Variants in FILIP1L observed in about 807,000 individuals in gnomAD.
FILIP1L encodes filamin A interacting protein 1 like.
In FILIP1L, 55 loss-of-function variants were observed where a neutral mutation model predicts 96.6. That is an observed-to-expected ratio of 0.57 (90% CI 0.46 to 0.71). The LOEUF is 0.71. Among genes scored for constraint, FILIP1L ranks in the 30% least tolerant of loss-of-function variants. The probability of loss-of-function intolerance (pLI) is 0.00; values close to 1 mark genes in which losing one functional copy is unlikely to be tolerated. For synonymous variants in FILIP1L, 467 were observed against 473.9 expected (o/e 0.99, Z 0.19); for missense variants, 1,304 against 1,321.2 (o/e 0.99, Z 0.20).
chr3:99,983,437 T>C (rs1387973573), intron 1 of FILIP1L, among the ~76,000 whole-genome samples: 1 of 50,880 alleles, frequency 2.0e-5, no homozygotes, highest in East Asian at 5.8e-4. Context: ...TGTATGTATA[T>C]ATATGTATGT....
Position 100,021,960 on chromosome 3 carries a change from TGAGAGA to T in FILIP1L, c.-10-90936_-10-90931del, listed in dbSNP as rs61630053. Among the ~76,000 whole-genome samples the T allele has an allele frequency of 4.7e-3, 440 of 93,230 alleles. 2 individuals carry two copies. Among genetic ancestry groups the T allele is most frequent in the African/African-American group, 0.017 (411 of 24,778 alleles). 61.2% of individuals were successfully genotyped at this position (93,230 alleles called of 152,430 possible). ...GTGTGTGTGTGTGTGTGTGTGTGTG[TGAGAGA>T]GAGAGAGAGAGAGAGAGAGAGAGAG... On this transcript the variant is annotated intron_variant, in intron 1 of 5. Coordinates refer to ENST00000477258, the MANE Select transcript of FILIP1L (RefSeq NM_001387850.1).
chr3:100,006,501 A>ATTTG (rs1709990426), intron 1 of FILIP1L, among the ~76,000 whole-genome samples: 1 of 152,078 alleles, frequency 6.6e-6, no homozygotes, highest in Admixed American at 6.6e-5. Context: ...TCTGCCCCAA[A>ATTTG]GTCTCCTTTT....
intron 1 of FILIP1L, among the ~76,000 whole-genome samples, chr3:99,985,737 T>C (rs1388269904): frequency 1.3e-5 from 2 of 152,076 alleles, no homozygotes; most frequent in Non-Finnish European, 2.9e-5. Context: ...TACAGGCACC[T>C]GCTACCATGC....
intron 1 of FILIP1L, among the ~76,000 whole-genome samples, chr3:100,042,206 A>AT (rs2065216744): frequency 6.6e-6 from 1 of 152,186 alleles, no homozygotes; most frequent in African/African-American, 2.4e-5. Flanking sequence ...AGCCACTGAA[A>AT]TTTTTTAAAG....
chr3:100,051,185 C>T (rs2065365642), intron 1 of FILIP1L: 1 of 152,090 alleles, frequency 6.6e-6, no homozygotes, highest in Non-Finnish European at 1.5e-5. Flanking sequence ...CAATTCTTCT[C>T]TGTGAGTCCA....
At chr3:100,036,049 C>A (rs1415018511) in intron 1 of FILIP1L, among the ~76,000 whole-genome samples, 1 of 152,134 alleles carries the variant, frequency 6.6e-6, no homozygotes, top group East Asian at 1.9e-4. Context: ...ACATAGAACC[C>A]AAAACTAAAA....
At chr3:99,868,391 C>G (rs1485091755) in intron 4 of FILIP1L, among the ~76,000 whole-genome samples, 3 of 152,174 alleles carry the variant, frequency 2.0e-5, no homozygotes, top group Non-Finnish European at 4.4e-5. Flanking sequence ...CTGCATCCTA[C>G]AAAGGACCTC....
At position 100,101,890 on chromosome 3, in the gene FILIP1L, G is replaced by A. The variant is rs868727032; in HGVS notation, c.-11+12163C>T. Reference sequence around the variant, plus strand: ...GCAGTGTTTGGTTTTTTGTCCTTGCGATAGTTTGCTGAGAATGATGGTTTC... The same window carrying A: ...GCAGTGTTTGGTTTTTTGTCCTTGCAATAGTTTGCTGAGAATGATGGTTTC... On this transcript the variant is annotated intron_variant, in intron 1 of 5. Coordinates refer to ENST00000477258, the MANE Select transcript of FILIP1L (RefSeq NM_001387850.1). 9.7e-4 allele frequency among the ~76,000 whole-genome samples: 147 copies of A among 152,126 alleles called. 1 individual carries two copies. In the Middle Eastern group the frequency reaches 0.017, roughly 18 times the overall value.
At chr3:100,081,869 C>A (rs773993325) in intron 1 of FILIP1L, among the ~76,000 whole-genome samples, 17 of 152,180 alleles carry the variant, frequency 1.1e-4, no homozygotes, top group Non-Finnish European at 1.9e-4. Flanking sequence ...TTGGCCTCTA[C>A]CATGCCAGTA....
chr3:99,872,868 C>A (rs760946301), intron 4 of FILIP1L, among the ~76,000 whole-genome samples: 2 of 151,680 alleles, frequency 1.3e-5, no homozygotes, highest in Non-Finnish European at 1.5e-5. Flanking sequence ...CCAGCTTTCC[C>A]AGGCAGAGAC....
Position 100,073,675 on chromosome 3 carries a change from GC to G in FILIP1L, c.-11+40377del, listed in dbSNP as rs1160456723. On this transcript the variant is annotated intron_variant, in intron 1 of 5. Transcript: ENST00000477258. ...CATGCCAGTAATAAACCTTGAGGAA[GC>G]CTAGGAAATAACCCACTGGTCTGTC... Among the ~76,000 whole-genome samples, 9 of 152,304 alleles carry G rather than the reference GC, an allele frequency of 5.9e-5. No individual in the cohort carries two copies. The East Asian group carries it at 1.7e-3, about 29-fold the overall frequency.
chr3:100,056,780 G>A lies in FILIP1L; in HGVS notation c.-11+57273C>T, dbSNP rs141807863. Among the ~76,000 whole-genome samples, 687 of 151,676 alleles carry A rather than the reference G, an allele frequency of 4.5e-3. 7 individuals are homozygous for A. Among genetic ancestry groups the A allele is most frequent in the African/African-American group, 0.016 (669 of 41,384 alleles). On this transcript the variant is annotated intron_variant, in intron 1 of 5. Coordinates refer to ENST00000477258, the MANE Select transcript of FILIP1L (RefSeq NM_001387850.1). ...TTTGGGAGGCCAAGGCAGGCCGGGCGGATCACGAGGTCAGGAGATCGAGAC... is the reference window on the plus strand; with the variant it reads ...TTTGGGAGGCCAAGGCAGGCCGGGCAGATCACGAGGTCAGGAGATCGAGAC...
intron 1 of FILIP1L, among the ~76,000 whole-genome samples, chr3:99,997,552 G>C (rs1039270770): frequency 3.3e-5 from 5 of 152,154 alleles, no homozygotes; most frequent in African/African-American, 1.2e-4. Context: ...AATTTTGCCA[G>C]AGCCTGACTC....
At chr3:99,851,911 A>G (rs924393988) in intron 4 of FILIP1L, among the ~76,000 whole-genome samples, 15 of 152,216 alleles carry the variant, frequency 9.9e-5, no homozygotes, top group African/African-American at 3.6e-4. Flanking sequence ...TGTTTTCATA[A>G]CATTTGAGAA....
In FILIP1L at chr3:100,097,659, G is replaced by A. The variant is rs762354456; in HGVS notation, c.-11+16394C>T. ...AAGCCATGTATTTGTGAACATGTAC[G>A]TCATGAATATTTTCTAAACTATTAG... On this transcript the variant is annotated intron_variant, in intron 1 of 5. Coordinates refer to ENST00000477258, the MANE Select transcript of FILIP1L (RefSeq NM_001387850.1). Among the ~76,000 whole-genome samples the A allele has an allele frequency of 4.6e-5, 7 of 152,132 alleles. No individual in the cohort carries two copies. The East Asian group carries it at 5.8e-4, about 13-fold the overall frequency.
intron 1 of FILIP1L, among the ~76,000 whole-genome samples, chr3:99,934,478 A>C (rs1414087635): frequency 6.6e-6 from 1 of 152,162 alleles, no homozygotes; most frequent in South Asian, 2.1e-4. Flanking sequence ...TCTTGCCCAC[A>C]TAGTCCTGTG....
chr3:99,955,999 T>C (rs1391986381), intron 1 of FILIP1L, among the ~76,000 whole-genome samples: 1 of 152,352 alleles, frequency 6.6e-6, no homozygotes, highest in African/African-American at 2.4e-5. Context: ...AGTCCTTGGC[T>C]AGGTTGTAAG....
intron 1 of FILIP1L, among the ~76,000 whole-genome samples, chr3:100,003,214 A>T (rs760441293): frequency 6.6e-5 from 10 of 152,200 alleles, no homozygotes; most frequent in Non-Finnish European, 1.3e-4. Context: ...CCATAAGTGG[A>T]CTTCATACCA....
intron 1 of FILIP1L, among the ~76,000 whole-genome samples, chr3:100,019,329 C>T (rs769329988): frequency 7.3e-4 from 111 of 152,262 alleles, no homozygotes; most frequent in Non-Finnish European, 1.4e-3. Flanking sequence ...CACTGCACTC[C>T]AGCCTGGGTG....
Sources: gnomAD v4.1 joint callset for allele counts (sites outside exome capture counted in the v4.1 genomes callset) on GRCh38, gnomAD v4.1.1 for gene constraint, MANE v1.5 for transcripts, NCBI Gene and HGNC (gene_info 2026-07-23, HGNC 2026-07-21) for gene names.